Variants in EGFR observed in about 807,000 individuals in gnomAD.
The protein encoded by EGFR is epidermal growth factor receptor, also known as avian erythroblastic leukemia viral (v-erb-b) oncogene homolog.
A neutral mutation model predicts 143.0 loss-of-function variants in EGFR; 58 were observed. The observed-to-expected ratio is 0.41, with a 90% CI of 0.33 to 0.50. The LOEUF (loss-of-function observed/expected upper bound fraction) is 0.50. Ranked by LOEUF, EGFR falls within the 20% of genes least tolerant of loss-of-function variation. The pLI is 0.39. For synonymous variants in EGFR, 613 were observed against 594.4 expected (o/e 1.03, Z -0.45); for missense variants, 1,307 against 1,579.0 (o/e 0.83, Z 2.92).
In EGFR at chr7:55,156,529, G is replaced by A. The variant is rs2128938131; in HGVS notation, c.1007-4G>A. 1 of 1,614,174 alleles carries A rather than the reference G, an allele frequency of 6.2e-7. No individual in the cohort carries two copies. The stretch of plus-strand genomic sequence containing the variant: ...CGGAATACACGTCTCTCTTATCTCT[G>A]CAGTGTGTAACGGAATAGGTATTGG... On this transcript the variant is annotated splice_region_variant and splice_polypyrimidine_tract_variant and intron_variant, in intron 8 of 27. Coordinates refer to ENST00000275493, the MANE Select transcript of EGFR (RefSeq NM_005228.5).
At chr7:55,150,843 T>C (rs1242205321) in intron 4 of EGFR, among the ~76,000 whole-genome samples, 1 of 152,220 alleles carries the variant, frequency 6.6e-6, no homozygotes, top group African/African-American at 2.4e-5. Context: ...AGGTTTTATT[T>C]ACAGGCTATG....
At chr7:55,170,323 C>A (rs369826866) in intron 15 of EGFR, 1 of 1,614,186 alleles carries the variant, frequency 6.2e-7, no homozygotes, top group African/African-American at 1.3e-5. Context: ...AAATGAGAGT[C>A]TCAAAGCCAT....
intron 11 of EGFR, 144 bp from the exon 12 acceptor site, chr7:55,159,995 G>A (rs1031954957): frequency 1.2e-6 from 1 of 808,056 alleles, no homozygotes. Context: ...TTCAAAAGGT[G>A]CAGTGTGTGC....
intron 21 of EGFR, among the ~76,000 whole-genome samples, chr7:55,192,102 T>G (rs1311494680): frequency 6.6e-6 from 1 of 152,154 alleles, no homozygotes; most frequent in African/African-American, 2.4e-5. Context: ...GAGGATGTTA[T>G]CCCCAGGTGA....
At chr7:55,057,683 T>A (rs1345868312) in intron 1 of EGFR, among the ~76,000 whole-genome samples, 2 of 152,224 alleles carry the variant, frequency 1.3e-5, no homozygotes, top group Non-Finnish European at 2.9e-5. Context: ...ACATTCTCGG[T>A]ACTTGATTTT....
chr7:55,042,397 G>A (rs940677335), intron 1 of EGFR, among the ~76,000 whole-genome samples: 2 of 152,144 alleles, frequency 1.3e-5, no homozygotes, highest in African/African-American at 4.8e-5. Context: ...AAGACCATAG[G>A]TGCTAAATGA....
intron 1 of EGFR, among the ~76,000 whole-genome samples, chr7:55,114,924 C>T (rs1408765443): frequency 2.0e-5 from 3 of 149,232 alleles, no homozygotes; most frequent in Non-Finnish European, 3.0e-5. Flanking sequence ...CCCTGTCACC[C>T]AGGCTGGAGT....
chr7:55,135,683 A>G (rs150639475), intron 1 of EGFR, among the ~76,000 whole-genome samples: 1 of 152,304 alleles, frequency 6.6e-6, no homozygotes, highest in East Asian at 1.9e-4. Context: ...ATGACTCACA[A>G]CTATAGGTTT....
chr7:55,154,958 GACAA>G (rs1216809816), intron 7 of EGFR, among the ~76,000 whole-genome samples: 7 of 151,808 alleles, frequency 4.6e-5, no homozygotes, highest in African/African-American at 1.7e-4. Flanking sequence ...TAAGGTAAAT[GACAA>G]ACAAAGCTAA....
chr7:55,176,835 TATATATTTAGAGAG>T (rs1424664754), intron 19 of EGFR, among the ~76,000 whole-genome samples: 20 of 146,632 alleles, frequency 1.4e-4, no homozygotes, highest in African/African-American at 4.9e-4. Flanking sequence ...TTTAGAGAGA[TATATATTTAGAGAG>T]ATATATATTT....
rs75209834 is a variant in EGFR at position 55,179,043 on chromosome 7, C to G, written c.2284-2250C>G. The stretch of plus-strand genomic sequence containing the variant: ...CTTGCCACGTACTTGCCAACAGATA[C>G]GGGGCGGAGACTTGAGTCAACGTAA... On this transcript the variant is annotated intron_variant, in intron 19 of 27. Transcript: ENST00000275493. Among the ~76,000 whole-genome samples, 1,341 of 152,288 alleles carry G rather than the reference C, an allele frequency of 8.8e-3. 22 individuals are homozygous for G. Among genetic ancestry groups the G allele is most frequent in the African/African-American group, 0.03 (1,229 of 41,566 alleles).
chr7:55,036,727 C>T lies in EGFR; in HGVS notation c.88+17362C>T, dbSNP rs147081356. ...AGTGGCCCTCATCTTACTGTTACTG[C>T]AATTTACTCTTAATTACAAATTATA... is the stretch of plus-strand genomic sequence containing the variant. On this transcript the variant is annotated intron_variant, in intron 1 of 27. Coordinates refer to ENST00000275493, the MANE Select transcript of EGFR (RefSeq NM_005228.5). Among the ~76,000 whole-genome samples the T allele has an allele frequency of 3.7e-4, 57 of 152,188 alleles. No homozygotes were observed. The East Asian group carries it at 8.9e-3, about 24-fold the overall frequency.
At chr7:55,203,051 TTAA>T (rs1487878402) in intron 27 of EGFR, 1 of 313,488 alleles carries the variant, frequency 3.2e-6, no homozygotes, top group Non-Finnish European at 5.8e-6. Flanking sequence ...TTAGTTAATA[TTAA>T]TAAATTTTAA....
At chr7:55,176,748 C>CTA (rs1786605977) in intron 19 of EGFR, among the ~76,000 whole-genome samples, 1 of 147,828 alleles carries the variant, frequency 6.8e-6, no homozygotes, top group African/African-American at 2.5e-5. Flanking sequence ...ATATAGATAC[C>CTA]TATATATATC....
chr7:55,155,960 CG>C lies in EGFR; in HGVS notation c.1006+16del, dbSNP rs1562766424. On this transcript the variant is annotated intron_variant, in intron 8 of 27. Transcript: ENST00000275493. ...CTTGCCGCAAAGGTAGGAAGCCCGCCGGTGTGCGGACGAGGCTTGTTCTCGG... is the reference window on the plus strand; with the variant it reads ...CTTGCCGCAAAGGTAGGAAGCCCGCCGTGTGCGGACGAGGCTTGTTCTCGG... 6.3e-7 allele frequency: 1 copy of C among 1,599,108 alleles called. No individual in the cohort carries two copies. The highest frequency in any genetic ancestry group is 1.7e-5 in the Admixed American group (1 of 59,434).
At chr7:55,125,748 C>A (rs934302410) in intron 1 of EGFR, among the ~76,000 whole-genome samples, 2 of 152,246 alleles carry the variant, frequency 1.3e-5, no homozygotes, top group Non-Finnish European at 1.5e-5. Context: ...AGCACCTGTG[C>A]GCTACAGGGC....
At position 55,193,571 on chromosome 7, in the gene EGFR, G is replaced by A. The variant is rs556136346; in HGVS notation, c.2701+730G>A. 1.2e-4 allele frequency among the ~76,000 whole-genome samples: 19 copies of A among 152,196 alleles called. No homozygotes were observed. The East Asian group carries it at 2.3e-3, about 19-fold the overall frequency. On this transcript the variant is annotated intron_variant, in intron 22 of 27. Transcript: ENST00000275493. ...GCCAGGCATTTTCTGCTGAATTACC[G>A]CACTTGGTCCTTGAATTTCACCCAG...
At chr7:55,047,922 T>A (rs1283484614) in intron 1 of EGFR, among the ~76,000 whole-genome samples, 2 of 152,170 alleles carry the variant, frequency 1.3e-5, no homozygotes, top group African/African-American at 4.8e-5. Flanking sequence ...AGTAATACTA[T>A]AACCTCTATA....
intron 1 of EGFR, chr7:55,110,032 T>C: frequency 1.2e-5 from 10 of 804,932 alleles, no homozygotes; most frequent in Non-Finnish European, 1.5e-5. Flanking sequence ...TGTATGTTGT[T>C]ATGAGGCATC....
Sources: allele counts gnomAD v4.1 joint callset (sites outside exome capture counted in the v4.1 genomes callset), GRCh38; gene constraint gnomAD v4.1.1; transcripts MANE v1.5; gene names NCBI Gene and HGNC (gene_info 2026-07-23, HGNC 2026-07-21).